Variants in GRIA4 observed in about 807,000 individuals in gnomAD.
GRIA4 encodes the protein glutamate receptor 4.
A neutral mutation model predicts 104.0 loss-of-function variants in GRIA4; 34 were observed. The observed-to-expected ratio is 0.33, with a 90% CI of 0.25 to 0.44. GRIA4 has a LOEUF of 0.44. GRIA4 is among the 20% of genes least tolerant of loss of function. GRIA4 has a pLI of 1.00. For missense variants in GRIA4, 750 were observed against 1,096.5 expected (o/e 0.68, Z 4.46); for synonymous variants, 386 against 381.9 (o/e 1.01, Z -0.13).
At chr11:105,951,413 T>C (rs1443978065) in intron 14 of GRIA4, among the ~76,000 whole-genome samples, 1 of 152,178 alleles carries the variant, frequency 6.6e-6, no homozygotes, top group African/African-American at 2.4e-5. Flanking sequence ...ATGAATGCTA[T>C]TCAGAGATAA....
chr11:105,799,705 T>A (rs1942634534), intron 4 of GRIA4, among the ~76,000 whole-genome samples: 1 of 152,100 alleles, frequency 6.6e-6, no homozygotes, highest in Non-Finnish European at 1.5e-5. Flanking sequence ...CTATGAAGGC[T>A]TCAATTTTTA....
intron 3 of GRIA4, among the ~76,000 whole-genome samples, chr11:105,661,172 A>G (rs924166704): frequency 3.3e-5 from 5 of 151,810 alleles, no homozygotes; most frequent in African/African-American, 1.2e-4. Context: ...TAGATACCTT[A>G]GAAAGATGAA....
intron 3 of GRIA4, among the ~76,000 whole-genome samples, chr11:105,673,708 T>A (rs1952446279): frequency 6.6e-6 from 1 of 152,036 alleles, no homozygotes; most frequent in African/African-American, 2.4e-5. Flanking sequence ...ATGAAAGAGC[T>A]TTATTATATT....
chr11:105,926,219 T>TA (rs34338618), intron 12 of GRIA4, among the ~76,000 whole-genome samples: 89,582 of 151,768 alleles, frequency 0.59, 27,511 homozygotes, highest in African/African-American at 0.77. Context: ...TGACTGAAGG[T>TA]AAAACAAGTT....
intron 4 of GRIA4, among the ~76,000 whole-genome samples, chr11:105,822,834 T>C (rs146307603): frequency 0.011 from 1,736 of 152,254 alleles, 32 homozygotes; most frequent in African/African-American, 0.038. Flanking sequence ...TGGGAGTGTA[T>C]AATATTTGCA....
intron 10 of GRIA4, chr11:105,912,899 C>G (rs1947296923): frequency 1.0e-6 from 1 of 979,452 alleles, no homozygotes; most frequent in South Asian, 4.7e-5. Context: ...ACTCCCAACA[C>G]AGATGGAATT....
chr11:105,624,576 C>T (rs1341677698), intron 3 of GRIA4, among the ~76,000 whole-genome samples: 1 of 152,046 alleles, frequency 6.6e-6, no homozygotes, highest in African/African-American at 2.4e-5. Flanking sequence ...CCTTTATTCC[C>T]TCCTTATTTG....
chr11:105,772,103 G>C (rs746431241), intron 4 of GRIA4, among the ~76,000 whole-genome samples: 1 of 152,078 alleles, frequency 6.6e-6, no homozygotes, highest in Non-Finnish European at 1.5e-5. Context: ...AGCGTTGTGA[G>C]TATTCACTTG....
At chr11:105,671,722 T>G (rs1404090252) in intron 3 of GRIA4, among the ~76,000 whole-genome samples, 1 of 148,524 alleles carries the variant, frequency 6.7e-6, no homozygotes, top group Non-Finnish European at 1.5e-5. Flanking sequence ...GGAATTAATT[T>G]TATAGTCAAT....
intron 3 of GRIA4, among the ~76,000 whole-genome samples, chr11:105,632,803 T>A (rs1951069200): frequency 1.3e-5 from 2 of 152,046 alleles, no homozygotes; most frequent in Admixed American, 6.6e-5. Flanking sequence ...AAAGAAAAAA[T>A]TTTGTAGAAA....
chr11:105,858,556 ATTG>A (rs1384252758), intron 4 of GRIA4, among the ~76,000 whole-genome samples: 3 of 152,140 alleles, frequency 2.0e-5, no homozygotes, highest in Non-Finnish European at 4.4e-5. Context: ...ACAATAAATT[ATTG>A]TTGACTTTAG....
chr11:105,719,046 T>C (rs1483726640), intron 3 of GRIA4, among the ~76,000 whole-genome samples: 1 of 152,164 alleles, frequency 6.6e-6, no homozygotes, highest in East Asian at 1.9e-4. Flanking sequence ...TCTCTTGTTT[T>C]TTTTAAATTT....
chr11:105,651,707 A>C (rs540460824), intron 3 of GRIA4, among the ~76,000 whole-genome samples: 1 of 151,780 alleles, frequency 6.6e-6, no homozygotes, highest in Non-Finnish European at 1.5e-5. Context: ...TCCTCTGCAC[A>C]CTTCTGCTTG....
At chr11:105,797,387 C>G (rs139950126) in intron 4 of GRIA4, among the ~76,000 whole-genome samples, 190 of 152,200 alleles carry the variant, frequency 1.2e-3, no homozygotes, top group African/African-American at 4.4e-3. Flanking sequence ...TGTGTAACTT[C>G]TATAAAATCA....
chr11:105,862,442 T>A (rs57375419), intron 5 of GRIA4: 76,508 of 379,880 alleles, frequency 0.2, 8,078 homozygotes, highest in South Asian at 0.22. Context: ...TTCTTAAGAC[T>A]TGAATGAGTG....
At chr11:105,699,185 T>A (rs903597756) in intron 3 of GRIA4, among the ~76,000 whole-genome samples, 1 of 152,172 alleles carries the variant, frequency 6.6e-6, no homozygotes, top group African/African-American at 2.4e-5. Flanking sequence ...AGAAAATATT[T>A]ATTGAGGATC....
chr11:105,960,732 T>C (rs1948722470), intron 14 of GRIA4, among the ~76,000 whole-genome samples: 1 of 152,198 alleles, frequency 6.6e-6, no homozygotes, highest in Admixed American at 6.5e-5. Context: ...TGTTCCAAGG[T>C]TGGGACGCTA....
intron 3 of GRIA4, among the ~76,000 whole-genome samples, chr11:105,688,126 C>A (rs1246101071): frequency 1.3e-5 from 1 of 76,300 alleles, no homozygotes; most frequent in East Asian, 3.1e-4. Context: ...ATATCTATAT[C>A]TATATCTATA....
At chr11:105,642,995 G>A (rs1309080687) in intron 3 of GRIA4, among the ~76,000 whole-genome samples, 2 of 152,120 alleles carry the variant, frequency 1.3e-5, no homozygotes, top group Non-Finnish European at 2.9e-5. Context: ...TCACATGGCA[G>A]CAGCAAGGAG....
Sources: gnomAD v4.1 joint callset for allele counts (sites outside exome capture counted in the v4.1 genomes callset) on GRCh38, gnomAD v4.1.1 for gene constraint, MANE v1.5 for transcripts, NCBI Gene and HGNC (gene_info 2026-07-23, HGNC 2026-07-21) for gene names.